CADM2: variants seen among roughly 807,000 people sequenced by gnomAD.
CADM2 encodes immunoglobulin superfamily member 4D.
Under a neutral mutation model 49.8 loss-of-function variants are expected in CADM2, and 12 were observed. The ratio of observed to expected loss-of-function variants is 0.24; its 90% confidence interval spans 0.15 to 0.39. The LOEUF is 0.39. Ranked by LOEUF, CADM2 falls within the 10% of genes least tolerant of loss-of-function variation. The pLI is 1.00. For synonymous variants in CADM2, 214 were observed against 175.4 expected (o/e 1.22, Z -1.74); for missense variants, 378 against 492.3 (o/e 0.77, Z 2.20).
At chr3:85,324,363 T>G (rs950424222) in intron 1 of CADM2, among the ~76,000 whole-genome samples, 10 of 152,172 alleles carry the variant, frequency 6.6e-5, no homozygotes, top group African/African-American at 2.4e-4. Flanking sequence ...CGCCCAAAGC[T>G]CTTAGGCTGT....
chr3:85,018,677 A>C (rs879669791), intron 1 of CADM2, among the ~76,000 whole-genome samples: 4 of 152,176 alleles, frequency 2.6e-5, no homozygotes, highest in Non-Finnish European at 5.9e-5. Flanking sequence ...TTTTCTTAGA[A>C]TACAGTATGG....
At chr3:85,492,657 T>A (rs1391970458) in intron 1 of CADM2, among the ~76,000 whole-genome samples, 1 of 152,174 alleles carries the variant, frequency 6.6e-6, no homozygotes, top group African/African-American at 2.4e-5. Flanking sequence ...CAGTTTAAAA[T>A]AGGATTATCT....
chr3:85,579,439 T>G (rs1222865117), intron 1 of CADM2, among the ~76,000 whole-genome samples: 1 of 152,134 alleles, frequency 6.6e-6, no homozygotes, highest in Non-Finnish European at 1.5e-5. Context: ...AATGGGTCTT[T>G]GTGACCAGCA....
chr3:85,093,151 G>A (rs1369176724), intron 1 of CADM2, among the ~76,000 whole-genome samples: 1 of 152,010 alleles, frequency 6.6e-6, no homozygotes, highest in Non-Finnish European at 1.5e-5. Context: ...TACTTTTACC[G>A]TAGGAACTAA....
At chr3:85,024,666 C>CT (rs5850662) in intron 1 of CADM2, among the ~76,000 whole-genome samples, 50,287 of 146,740 alleles carry the variant, frequency 0.34, 8,809 homozygotes, top group Middle Eastern at 0.41. Context: ...TATAGTTTTT[C>CT]TTTTTTTTTT....
chr3:85,999,700 G>T (rs1729927274), intron 8 of CADM2, among the ~76,000 whole-genome samples: 1 of 151,888 alleles, frequency 6.6e-6, no homozygotes, highest in African/African-American at 2.4e-5. Context: ...AAGAATGAAA[G>T]AAACTTATTT....
chr3:85,598,492 G>A (rs1168247241), intron 1 of CADM2, among the ~76,000 whole-genome samples: 1 of 151,832 alleles, frequency 6.6e-6, no homozygotes, highest in Admixed American at 6.6e-5. Flanking sequence ...TGTAAAGTCT[G>A]TTCCAATATT....
chr3:85,698,952 A>C (rs1395943165), intron 1 of CADM2, among the ~76,000 whole-genome samples: 1 of 152,184 alleles, frequency 6.6e-6, no homozygotes, highest in East Asian at 1.9e-4. Context: ...TCTGCCTATG[A>C]GCTTGTAAAA....
chr3:85,323,226 C>T (rs2107115684), intron 1 of CADM2, among the ~76,000 whole-genome samples: 1 of 152,270 alleles, frequency 6.6e-6, no homozygotes, highest in African/African-American at 2.4e-5. Context: ...AAACATCTCA[C>T]CAAAGTCATC....
chr3:86,072,498 G>A lies in CADM2; in HGVS notation c.*5715G>A. The A allele has an allele frequency of 6.6e-6, 1 of 151,824 alleles. No individual in the cohort carries two copies. Among genetic ancestry groups the A allele is most frequent in the East Asian group, 1.9e-4 (1 of 5,188 alleles). The allele number at this position is 151,824 out of a possible 1,614,324, so 9.4% of individuals were successfully genotyped here. A position where few individuals can be genotyped will look rare whatever the true frequency, so the allele number is the denominator to read the frequency against. On this transcript the variant is annotated 3_prime_UTR_variant, in exon 10 of 10. Coordinates refer to ENST00000383699, the MANE Select transcript of CADM2 (RefSeq NM_001167675.2). The stretch of plus-strand genomic sequence containing the variant: ...AGTTAAAAGATATTTGAAGATTGCA[G>A]GGGCAAAACAAAAACCTACCAGGGC...
In CADM2 at chr3:84,959,677, C is replaced by T. The variant is rs770086728; in HGVS notation, c.61+9C>T. 4 of 1,536,634 alleles carry T rather than the reference C, an allele frequency of 2.6e-6. No homozygotes were observed. Among genetic ancestry groups the T allele is most frequent in the Non-Finnish European group, 2.6e-6 (3 of 1,146,532 alleles). On this transcript the variant is annotated intron_variant, in intron 1 of 9. Transcript: ENST00000383699. ...CGGGCTCCTGCTACAAGGTAATCCC[C>T]GCCCCGGCGCAGGGAACATCAACTT...
At chr3:85,517,476 C>T (rs2060932020) in intron 1 of CADM2, among the ~76,000 whole-genome samples, 1 of 152,094 alleles carries the variant, frequency 6.6e-6, no homozygotes, top group African/African-American at 2.4e-5. Flanking sequence ...CAGCTGAAAA[C>T]ATACCCTCTG....
In CADM2 at chr3:85,645,890, C is replaced by G. The variant is rs2064868462; in HGVS notation, c.62-80632C>G. On this transcript the variant is annotated intron_variant, in intron 1 of 9. Transcript: ENST00000383699. ...ATACGTTATTAATAGAAAAATAATT[C>G]TCAAAGTGGAACAGCATTCTTGACC... Among the ~76,000 whole-genome samples, 3 of 151,904 alleles carry G rather than the reference C, an allele frequency of 2.0e-5. 1 individual carries two copies. Among genetic ancestry groups the G allele is most frequent in the Non-Finnish European group, 4.4e-5 (3 of 67,880 alleles).
At chr3:85,703,636 G>A (rs2066851095) in intron 1 of CADM2, among the ~76,000 whole-genome samples, 1 of 152,008 alleles carries the variant, frequency 6.6e-6, no homozygotes, top group Non-Finnish European at 1.5e-5. Flanking sequence ...ATGTTTTATT[G>A]CCCAATTAAT....
chr3:85,769,274 CAT>C lies in CADM2; in HGVS notation c.89-32767_89-32766del, dbSNP rs1559643999. On this transcript the variant is annotated intron_variant, in intron 2 of 9. Transcript: ENST00000383699. ...TATATAGTATATATACACATATATA[CAT>C]ATATACATATATAGTATATATACAC... Among the ~76,000 whole-genome samples the C allele has an allele frequency of 2.7e-3, 318 of 119,878 alleles. 13 individuals are homozygous for C. The highest frequency in any genetic ancestry group is 9.9e-3 in the African/African-American group (296 of 30,046). The allele number at this position is 119,878 out of a possible 152,430, so 78.6% of individuals were successfully genotyped here.
At chr3:85,521,533 C>T (rs977423943) in intron 1 of CADM2, among the ~76,000 whole-genome samples, 1 of 152,086 alleles carries the variant, frequency 6.6e-6, no homozygotes, top group Non-Finnish European at 1.5e-5. Context: ...GCATGTGATT[C>T]TCCCTGAAAG....
At chr3:86,040,918 G>A (rs1735815174) in intron 8 of CADM2, among the ~76,000 whole-genome samples, 1 of 152,170 alleles carries the variant, frequency 6.6e-6, no homozygotes. Context: ...GAGAGTGGGG[G>A]TTAATATTCA....
intron 1 of CADM2, among the ~76,000 whole-genome samples, chr3:85,001,699 C>T (rs2200467): frequency 0.047 from 7,194 of 151,896 alleles, 217 homozygotes; most frequent in Admixed American, 0.089. Context: ...TATGAAACGC[C>T]TTCTAAGAAG....
At chr3:85,164,349 G>A (rs1576020827) in intron 1 of CADM2, among the ~76,000 whole-genome samples, 1 of 151,968 alleles carries the variant, frequency 6.6e-6, no homozygotes, top group South Asian at 2.1e-4. Context: ...ACACTACCAA[G>A]CTATAATCCA....
Sources: gnomAD v4.1 joint callset for allele counts (sites outside exome capture counted in the v4.1 genomes callset) on GRCh38, gnomAD v4.1.1 for gene constraint, MANE v1.5 for transcripts, NCBI Gene and HGNC (gene_info 2026-07-23, HGNC 2026-07-21) for gene names.